Variants in ZNF462 observed in about 807,000 individuals in gnomAD.
ZNF462 encodes zinc finger PBX1-interacting protein.
In ZNF462, 10 loss-of-function variants were observed where a neutral mutation model predicts 201.9. The ratio of observed to expected loss-of-function variants is 0.05; its 90% CI spans 0.03 to 0.08. The LOEUF (loss-of-function observed/expected upper bound fraction) is 0.08, where lower values mean the gene tolerates loss of function less well. ZNF462 is among the 10% of genes least tolerant of loss of function. The probability of loss-of-function intolerance (pLI) is 1.00; values close to 1 mark genes in which losing one functional copy is unlikely to be tolerated. For synonymous variants in ZNF462, 1,227 were observed against 1,193.3 expected (o/e 1.03, Z -0.58); for missense variants, 2,523 against 3,168.3 (o/e 0.80, Z 4.89).
chr9:106,992,132 ACAACT>A (rs1178665252), intron 10 of ZNF462, among the ~76,000 whole-genome samples: 9 of 152,120 alleles, frequency 5.9e-5, no homozygotes, highest in African/African-American at 2.2e-4. Flanking sequence ...AAGAAATCTT[ACAACT>A]CAACAATAAG....
rs1004374180 is a variant in ZNF462, at chr9:106,979,772, C to T, written c.6833-4414C>T. 3.3e-5 allele frequency among the ~76,000 whole-genome samples: 5 copies of T among 152,174 alleles called. No homozygotes were observed. In the East Asian group the frequency reaches 9.6e-4, roughly 29 times the overall value. ...CTTAGCTTTGCCCATGTATATGTAT[C>T]TTGCACATCCATAGTGAGCCTTAAA... is the stretch of plus-strand genomic sequence containing the variant. On this transcript the variant is annotated intron_variant, in intron 9 of 12. Transcript: ENST00000277225.
intron 1 of ZNF462, among the ~76,000 whole-genome samples, chr9:106,879,437 T>C (rs1214010809): frequency 6.7e-6 from 1 of 150,082 alleles, no homozygotes; most frequent in Non-Finnish European, 1.5e-5. Context: ...CTTCAGCTGA[T>C]TTTTCTGCCT....
chr9:106,887,336 A>G (rs576688317), intron 1 of ZNF462, among the ~76,000 whole-genome samples: 1 of 152,270 alleles, frequency 6.6e-6, no homozygotes, highest in South Asian at 2.1e-4. Flanking sequence ...CCTTGCCTAC[A>G]TCCTCCTAGG....
At chr9:106,864,062 CTCT>C (rs1827190481) in intron 1 of ZNF462, among the ~76,000 whole-genome samples, 2 of 93,876 alleles carry the variant, frequency 2.1e-5, no homozygotes, top group African/African-American at 4.3e-5. Context: ...CTCTCTCTCT[CTCT>C]CTCTCTCTCT....
intron 7 of ZNF462, among the ~76,000 whole-genome samples, chr9:106,961,190 G>A (rs1202869858): frequency 6.6e-6 from 1 of 152,020 alleles, no homozygotes; most frequent in African/African-American, 2.4e-5. Flanking sequence ...AAAAATGAGG[G>A]ATAGAGAGCT....
rs1296163648 is a variant in ZNF462, at chr9:106,924,698, G to A, written c.786G>A (p.Met262Ile). The change falls in exon 3 of 13, where the codon ATG (methionine) becomes ATA (isoleucine). Residue 262 changes from methionine to isoleucine, a missense_variant. Physicochemically the swap from Met to Ile is conservative, Grantham distance 10. This residue lies in a region of ZNF462 where 480 missense variants were observed against 544.4 expected (regional missense o/e 0.88). Transcript: ENST00000277225. This position sits in a 1 kb window ranked among gnomAD's most constrained non-coding sequence, Gnocchi z 6.2. ...TPRRERWCDHMMKKHRSMVKI... is the reference protein window; with the variant it reads ...TPRRERWCDHIMKKHRSMVKI... ...GCCGAGAACGCTGGTGTGACCACAT[G>A]ATGAAGAAACACCGCAGTATGGTCA... 1 of 1,613,950 alleles carries A rather than the reference G, an allele frequency of 6.2e-7. No homozygotes were observed. The highest frequency in any genetic ancestry group is 1.3e-5 in the African/African-American group (1 of 74,878).
At chr9:106,881,162 A>G (rs747076690) in intron 1 of ZNF462, among the ~76,000 whole-genome samples, 1 of 152,178 alleles carries the variant, frequency 6.6e-6, no homozygotes, top group African/African-American at 2.4e-5. Flanking sequence ...ACCCTGCTCC[A>G]TCATCAGTGT....
chr9:106,973,963 G>A (rs1435534307), intron 8 of ZNF462, among the ~76,000 whole-genome samples, 174 bp from the exon 9 acceptor site: 4 of 151,784 alleles, frequency 2.6e-5, no homozygotes, highest in East Asian at 3.9e-4. Flanking sequence ...GTTCAGATTC[G>A]GTTGAGTGAC....
chr9:106,984,060 A>T lies in ZNF462; in HGVS notation c.6833-126A>T. 1 of 800,222 alleles carries T rather than the reference A, an allele frequency of 1.2e-6. No homozygotes were observed. Among genetic ancestry groups the T allele is most frequent in the Non-Finnish European group, 2.0e-6 (1 of 503,972 alleles). 49.6% of individuals were successfully genotyped at this position (800,222 alleles called of 1,614,324 possible). A position where few individuals can be genotyped will look rare whatever the true frequency, so the allele number is the denominator to read the frequency against. On this transcript the variant is annotated intron_variant, in intron 9 of 12. Coordinates refer to ENST00000277225, the MANE Select transcript of ZNF462 (RefSeq NM_021224.6). This position sits in a 1 kb window ranked among gnomAD's most constrained non-coding sequence, Gnocchi z 6.4. ...GGGAGGGGCAGGGTGCATGTGTGTC[A>T]GTTCAAGGAACCAGATCCACGAGGA...
rs145321266 is a variant in ZNF462, at chr9:106,926,879, G to A, written c.2967G>A (p.Ala989=). 181 of 1,614,130 alleles carry A rather than the reference G, an allele frequency of 1.1e-4. No homozygotes were observed. The African/African-American group carries it at 2.0e-3, about 18-fold the overall frequency. ...EILNSAPKNM[A]TSTPVARGGG... is the part of the protein sequence containing the mutation. The stretch of plus-strand genomic sequence containing the variant: ...TGAATTCGGCTCCCAAGAACATGGC[G>A]ACTTCCACACCTGTGGCTCGTGGTG... The change falls in exon 3 of 13, where the codon GCG becomes GCA. Residue 989 remains alanine, a synonymous_variant. Coordinates refer to ENST00000277225, the MANE Select transcript of ZNF462 (RefSeq NM_021224.6). The surrounding 1 kb of genome is among the most constrained non-coding windows in gnomAD (Gnocchi z 7.9).
In ZNF462 at chr9:106,970,130, A is replaced by G. The variant is rs1044627941; in HGVS notation, c.6428-1875A>G. Among the ~76,000 whole-genome samples, 1 of 152,226 alleles carries G rather than the reference A, an allele frequency of 6.6e-6. No individual in the cohort carries two copies. The highest frequency in any genetic ancestry group is 2.4e-5 in the African/African-American group (1 of 41,462). On this transcript the variant is annotated intron_variant, in intron 7 of 12. Transcript: ENST00000277225. The surrounding 1 kb of genome is among the most constrained non-coding windows in gnomAD (Gnocchi z 4.2). ...TGGGTTCATCAGCTAGGGTAGAGGA[A>G]TAAAGAAAAAGGAGATAAAAGAACT...
chr9:106,903,580 A>G (rs1469842448), intron 1 of ZNF462, among the ~76,000 whole-genome samples: 1 of 152,110 alleles, frequency 6.6e-6, no homozygotes, highest in East Asian at 1.9e-4. Flanking sequence ...TCTATTAGTA[A>G]TTATTTTATA....
Position 106,890,390 on chromosome 9 carries a change from G to A in ZNF462, c.-31+27035G>A, listed in dbSNP as rs1164133897. On this transcript the variant is annotated intron_variant, in intron 1 of 12. Coordinates refer to ENST00000277225, the MANE Select transcript of ZNF462 (RefSeq NM_021224.6). This position sits in a 1 kb window ranked among gnomAD's most constrained non-coding sequence, Gnocchi z 4.2. ...GGTTTGGAGTTAATTAAACATTGTC[G>A]GGAGAATTCCTTCATTTCCTTCTGG... Among the ~76,000 whole-genome samples, 2 of 152,124 alleles carry A rather than the reference G, an allele frequency of 1.3e-5. No homozygotes were observed. Among genetic ancestry groups the A allele is most frequent in the African/African-American group, 4.8e-5 (2 of 41,408 alleles).
chr9:106,967,476 C>CA (rs1277310094), intron 7 of ZNF462, among the ~76,000 whole-genome samples: 2 of 151,796 alleles, frequency 1.3e-5, no homozygotes, highest in African/African-American at 4.8e-5. Context: ...CAAAACAACT[C>CA]AAACTGTTAT....
chr9:106,985,533 A>G (rs1827774430), intron 10 of ZNF462, among the ~76,000 whole-genome samples: 1 of 152,184 alleles, frequency 6.6e-6, no homozygotes, highest in Non-Finnish European at 1.5e-5. Flanking sequence ...CAGAGTACAG[A>G]AGGAGCTATA....
In ZNF462 at chr9:106,933,722, GAA is replaced by G. The variant is rs1830514543; in HGVS notation, c.6116+1174_6116+1175del. On this transcript the variant is annotated intron_variant, in intron 5 of 12. Transcript: ENST00000277225. This position sits in a 1 kb window ranked among gnomAD's most constrained non-coding sequence, Gnocchi z 4.3. ...CAGTAAAATACTATGATGTGTCAAA[GAA>G]GAGAAATGTTACATCAGCTTTGGAA... Among the ~76,000 whole-genome samples the G allele has an allele frequency of 6.6e-6, 1 of 151,974 alleles. No individual in the cohort carries two copies. The highest frequency in any genetic ancestry group is 2.4e-5 in the African/African-American group (1 of 41,264).
Position 106,927,215 on chromosome 9 carries a change from C to T in ZNF462, c.3303C>T (p.Pro1101=), listed in dbSNP as rs764374516. Residue 1101 remains proline, a synonymous_variant, in exon 3 of 13, where the codon CCC becomes CCT. Coordinates refer to ENST00000277225, the MANE Select transcript of ZNF462 (RefSeq NM_021224.6). Reference sequence around the variant, plus strand: ...TGTCCAACATGGGTTCCCCACCCCCCCCACAACCCCCGCCACCAGACCTCA... The same window carrying T: ...TGTCCAACATGGGTTCCCCACCCCCTCCACAACCCCCGCCACCAGACCTCA... The part of the protein sequence containing the change: ...PKMSNMGSPP[P]PQPPPPDLST... 44 of 1,609,908 alleles carry T rather than the reference C, an allele frequency of 2.7e-5. No individual in the cohort carries two copies. In the Middle Eastern group the frequency reaches 7.3e-4, roughly 27 times the overall value.
chr9:106,992,225 A>G (rs1828341623), intron 10 of ZNF462, among the ~76,000 whole-genome samples: 1 of 152,132 alleles, frequency 6.6e-6, no homozygotes, highest in Admixed American at 6.6e-5. Context: ...AATGGCAAAT[A>G]AGCACATGAA....
At chr9:106,960,823 G>A (rs1831800764) in intron 7 of ZNF462, among the ~76,000 whole-genome samples, 1 of 152,072 alleles carries the variant, frequency 6.6e-6, no homozygotes, top group Admixed American at 6.6e-5. Flanking sequence ...TTGGGACTGG[G>A]CATTCAGGAT....
Sources: gnomAD v4.1 joint callset for allele counts (sites outside exome capture counted in the v4.1 genomes callset) on GRCh38, gnomAD v4.1.1 for gene constraint, gnomAD v4.1.1 regional missense constraint, Gnocchi (gnomAD v3.1) non-coding constraint, MANE v1.5 for transcripts, NCBI Gene and HGNC (gene_info 2026-07-23, HGNC 2026-07-21) for gene names.